The following ENOX1 variants were observed in gnomAD, a reference collection of about 807,000 sequenced individuals.
ENOX1 encodes the protein ecto-NOX disulfide-thiol exchanger 1.
In ENOX1, 42 loss-of-function variants were observed where a neutral mutation model predicts 82.5. That is an observed-to-expected ratio of 0.51 (90% confidence interval 0.40 to 0.66). ENOX1 has a LOEUF of 0.66. ENOX1 is among the 30% of genes least tolerant of loss of function. ENOX1 has a pLI of 0.00. For synonymous variants in ENOX1, 271 were observed against 282.2 expected (o/e 0.96, Z 0.40); for missense variants, 608 against 811.6 (o/e 0.75, Z 3.05).
In ENOX1 at chr13:43,517,459, T is replaced by C. The variant is rs190171856; in HGVS notation, c.-218-33307A>G. On this transcript the variant is annotated intron_variant, in intron 2 of 16. Coordinates refer to ENST00000690772, the MANE Select transcript of ENOX1 (RefSeq NM_001347969.2). ...GTTGCAATGAGCCCAGATCGCGCCA[T>C]TGCACTCCAGCCTGGGCAACAAGAG... 5.4e-4 allele frequency among the ~76,000 whole-genome samples: 82 copies of C among 152,234 alleles called. 1 individual carries two copies. Among genetic ancestry groups the C allele is most frequent in the African/African-American group, 1.8e-3 (74 of 41,550 alleles).
At chr13:43,565,639 A>G (rs1262703509) in intron 2 of ENOX1, among the ~76,000 whole-genome samples, 1 of 152,164 alleles carries the variant, frequency 6.6e-6, no homozygotes, top group Non-Finnish European at 1.5e-5. Context: ...ATTTCAGTTA[A>G]GTTTAGTTAA....
Position 43,411,946 on chromosome 13 carries a change from C to G in ENOX1, c.178G>C (p.Val60Leu). The change falls in exon 5 of 17, where the codon GTA becomes CTA. Residue 60 changes from valine to leucine, a missense_variant. Coordinates refer to ENST00000690772, the MANE Select transcript of ENOX1 (RefSeq NM_001347969.2). ...TAMNNLGMVP[V>L]GLPGQQLVSD... ...ACGAGCTGCTGTCCAGGCAACCCTA[C>G]GGGAACCATGCCCAGGTTATTCATG... The G allele has an allele frequency of 6.2e-7, 1 of 1,614,182 alleles. No homozygotes were observed. The highest frequency in any genetic ancestry group is 8.5e-7 in the Non-Finnish European group (1 of 1,180,034).
intron 2 of ENOX1, among the ~76,000 whole-genome samples, chr13:43,494,646 G>C (rs905809636): frequency 2.0e-5 from 3 of 152,208 alleles, no homozygotes; most frequent in African/African-American, 7.2e-5. Flanking sequence ...GTGACACACA[G>C]AGTGGAGTTT....
chr13:43,372,633 AG>A (rs1337830686), intron 5 of ENOX1, among the ~76,000 whole-genome samples: 1 of 152,210 alleles, frequency 6.6e-6, no homozygotes, highest in African/African-American at 2.4e-5. Context: ...AACCAAAACA[AG>A]TTTACAAAAG....
At chr13:43,501,753 T>A (rs2076988753) in intron 2 of ENOX1, among the ~76,000 whole-genome samples, 5 of 113,224 alleles carry the variant, frequency 4.4e-5, no homozygotes, top group Non-Finnish European at 7.8e-5. Context: ...TCAAAAGAAA[T>A]AATAAGAGGG....
Position 43,482,438 on chromosome 13 carries a change from T to C in ENOX1, c.-75+1571A>G, listed in dbSNP as rs1160935141. Among the ~76,000 whole-genome samples, 4 of 152,092 alleles carry C rather than the reference T, an allele frequency of 2.6e-5. No homozygotes were observed. In the East Asian group the frequency reaches 7.7e-4, roughly 29 times the overall value. ...GAGGTACCTAAAGTAGTCAAACTCA[T>C]AGAATAAGGTAAAATTGTAGTTGCC... On this transcript the variant is annotated intron_variant, in intron 3 of 16. Transcript: ENST00000690772.
chr13:43,450,146 C>G (rs2056881534), intron 3 of ENOX1, among the ~76,000 whole-genome samples: 1 of 152,204 alleles, frequency 6.6e-6, no homozygotes, highest in African/African-American at 2.4e-5. Context: ...TATCCCTGAT[C>G]ATCTTTATTT....
chr13:43,219,774 T>G (rs1992639), intron 16 of ENOX1, among the ~76,000 whole-genome samples: 72,260 of 151,986 alleles, frequency 0.48, 18,010 homozygotes, highest in East Asian at 0.71. Flanking sequence ...CACAAGCAGA[T>G]GCAAATCAAT....
intron 2 of ENOX1, among the ~76,000 whole-genome samples, chr13:43,602,477 T>G (rs2081768742): frequency 6.6e-6 from 1 of 152,116 alleles, no homozygotes; most frequent in Non-Finnish European, 1.5e-5. Flanking sequence ...ATATGATATA[T>G]ATACACACAA....
intron 14 of ENOX1, among the ~76,000 whole-genome samples, chr13:43,247,844 TA>T (rs60402433): frequency 0.056 from 286 of 5,108 alleles, 30 homozygotes; most frequent in South Asian, 0.13. Flanking sequence ...TATATATATA[TA>T]TATATATATA....
intron 2 of ENOX1, among the ~76,000 whole-genome samples, chr13:43,531,619 G>A (rs1216018161): frequency 6.9e-6 from 1 of 145,260 alleles, no homozygotes; most frequent in African/African-American, 2.5e-5. Context: ...AAAGACACAT[G>A]CACACATATG....
intron 2 of ENOX1, among the ~76,000 whole-genome samples, chr13:43,627,193 A>T (rs2153749228): frequency 6.6e-6 from 1 of 152,082 alleles, no homozygotes; most frequent in South Asian, 2.1e-4. Flanking sequence ...TGTTTCTTGT[A>T]GATAGCATAC....
chr13:43,268,581 A>C (rs2044511049), intron 13 of ENOX1, among the ~76,000 whole-genome samples: 1 of 152,232 alleles, frequency 6.6e-6, no homozygotes, highest in African/African-American at 2.4e-5. Flanking sequence ...CATTAAAAAA[A>C]AATCACTCAT....
chr13:43,616,204 A>ATATATATT lies in ENOX1; in HGVS notation c.-219+51274_-219+51275insAATATATA, dbSNP rs1457149422. On this transcript the variant is annotated intron_variant, in intron 2 of 16. Coordinates refer to ENST00000690772, the MANE Select transcript of ENOX1 (RefSeq NM_001347969.2). Reference sequence around the variant, plus strand: ...TATCTATCTATATATATATATATATATTTTTTTTTTTTTTTTAGGACGGAG... The same window carrying ATATATATT: ...TATCTATCTATATATATATATATATATATATATTTTTTTTTTTTTTTTTTAGGACGGAG... Among the ~76,000 whole-genome samples, 39 of 15,312 alleles carry ATATATATT rather than the reference A, an allele frequency of 2.5e-3. 1 individual carries two copies. The highest frequency in any genetic ancestry group is 4.0e-3 in the African/African-American group (36 of 8,890). The allele number at this position is 15,312 out of a possible 152,430, so 10.0% of individuals were successfully genotyped here. A position where few individuals can be genotyped will look rare whatever the true frequency, so the allele number is the denominator to read the frequency against.
intron 1 of ENOX1, among the ~76,000 whole-genome samples, chr13:43,671,207 C>T (rs2085251255): frequency 1.3e-5 from 2 of 152,212 alleles, no homozygotes. Context: ...TTTCCTAAGG[C>T]TTCCCCAGCC....
chr13:43,709,143 G>C (rs544045950), intron 1 of ENOX1, among the ~76,000 whole-genome samples: 17 of 152,178 alleles, frequency 1.1e-4, no homozygotes. Context: ...AGAACCTTGA[G>C]AAATGAAGAT....
chr13:43,385,830 C>A (rs1387772866), intron 5 of ENOX1, among the ~76,000 whole-genome samples: 1 of 152,108 alleles, frequency 6.6e-6, no homozygotes, highest in Non-Finnish European at 1.5e-5. Flanking sequence ...CTCATTTATA[C>A]CTTTGTGTAT....
At chr13:43,432,794 T>A (rs1020876795) in intron 3 of ENOX1, among the ~76,000 whole-genome samples, 2 of 152,212 alleles carry the variant, frequency 1.3e-5, no homozygotes, top group Admixed American at 1.3e-4. Flanking sequence ...ACTTTCGCCC[T>A]TTAAGTTTTT....
At chr13:43,344,911 C>G (rs1448722990) in intron 8 of ENOX1, among the ~76,000 whole-genome samples, 161 bp from the exon 9 acceptor site, 1 of 152,204 alleles carries the variant, frequency 6.6e-6, no homozygotes, top group African/African-American at 2.4e-5. Flanking sequence ...CATCACTTAA[C>G]TTCTCTTTTC....
Sources: gnomAD v4.1 joint callset for allele counts (sites outside exome capture counted in the v4.1 genomes callset) on GRCh38, gnomAD v4.1.1 for gene constraint, MANE v1.5 for transcripts, NCBI Gene and HGNC (gene_info 2026-07-23, HGNC 2026-07-21) for gene names.